Variants in CEP128 observed in about 807,000 individuals in gnomAD.
CEP128 encodes centrosomal protein 128, also known as centrosomal protein 128kDa.
In CEP128, 132 loss-of-function variants were observed where a neutral mutation model predicts 156.7. That is an observed-to-expected ratio of 0.84 (90% CI 0.73 to 0.97). The LOEUF is 0.97. Ranked by LOEUF, CEP128 falls within the 50% of genes least tolerant of loss-of-function variation. The probability of loss-of-function intolerance (pLI) is 0.00; values close to 1 mark genes in which losing one functional copy is unlikely to be tolerated. For synonymous variants in CEP128, 469 were observed against 448.9 expected (o/e 1.04, Z -0.57); for missense variants, 1,252 against 1,281.9 (o/e 0.98, Z 0.36).
chr14:80,709,447 TTA>T (rs1468778883), intron 19 of CEP128, among the ~76,000 whole-genome samples: 1 of 152,184 alleles, frequency 6.6e-6, no homozygotes, highest in Non-Finnish European at 1.5e-5. Flanking sequence ...CAGTTTTAAA[TTA>T]TGTTTTAATA....
chr14:80,710,607 G>A (rs1375197978), intron 19 of CEP128, among the ~76,000 whole-genome samples: 2 of 151,860 alleles, frequency 1.3e-5, no homozygotes, highest in African/African-American at 4.8e-5. Context: ...TGAATATAAA[G>A]CAAGTGACTT....
chr14:80,665,495 C>T (rs1349219961), intron 19 of CEP128, among the ~76,000 whole-genome samples: 1 of 152,170 alleles, frequency 6.6e-6, no homozygotes, highest in East Asian at 1.9e-4. Flanking sequence ...TACAATCAAA[C>T]TCATGCTACC....
chr14:80,730,353 T>A (rs1250431101), intron 19 of CEP128, among the ~76,000 whole-genome samples: 5 of 152,168 alleles, frequency 3.3e-5, no homozygotes, highest in Non-Finnish European at 7.4e-5. Flanking sequence ...ATCTCTCTTC[T>A]CAAGACTGAA....
chr14:80,721,134 C>T (rs1234302190), intron 19 of CEP128, among the ~76,000 whole-genome samples: 1 of 152,052 alleles, frequency 6.6e-6, no homozygotes, highest in East Asian at 1.9e-4. Flanking sequence ...GGTATTATGG[C>T]TATAAATTGT....
At chr14:80,912,910 C>T (rs1009394397) in intron 4 of CEP128, among the ~76,000 whole-genome samples, 27 of 151,960 alleles carry the variant, frequency 1.8e-4, no homozygotes, top group African/African-American at 5.6e-4. Context: ...TTAGTGTTTT[C>T]ATCACACTGT....
At chr14:80,822,545 G>A in intron 13 of CEP128, 1 of 675,172 alleles carries the variant, frequency 1.5e-6, no homozygotes, top group South Asian at 1.4e-5. Flanking sequence ...AAAGGCTGAA[G>A]GGGATGCTAA....
In CEP128 at chr14:80,650,550, G is replaced by A. The variant is rs539336781; in HGVS notation, c.2807-70127C>T. Among the ~76,000 whole-genome samples the A allele has an allele frequency of 8.1e-4, 123 of 152,196 alleles. 1 individual carries two copies. The highest frequency in any genetic ancestry group is 2.7e-3 in the African/African-American group (114 of 41,532). ...GCCCATTCAGTACGATATTGGCTGC[G>A]GGTGTGTCATAAATAGCTCTTATTA... On this transcript the variant is annotated intron_variant, in intron 19 of 24. Coordinates refer to ENST00000555265, the MANE Select transcript of CEP128 (RefSeq NM_152446.5).
intron 21 of CEP128, among the ~76,000 whole-genome samples, chr14:80,536,189 G>T (rs1166351857): frequency 6.6e-6 from 1 of 152,068 alleles, no homozygotes; most frequent in African/African-American, 2.4e-5. Context: ...TAAAAGGGGG[G>T]AATGCATTGC....
intron 2 of CEP128, among the ~76,000 whole-genome samples, chr14:80,932,062 A>C (rs1885499950): frequency 6.6e-6 from 1 of 152,190 alleles, no homozygotes; most frequent in African/African-American, 2.4e-5. Context: ...AGTTCTCACA[A>C]GATCTGATGG....
At chr14:80,740,897 C>G (rs1467499526) in intron 19 of CEP128, among the ~76,000 whole-genome samples, 1 of 152,128 alleles carries the variant, frequency 6.6e-6, no homozygotes, top group Non-Finnish European at 1.5e-5. Context: ...GTACTCACAG[C>G]ATGGGGGCAG....
chr14:80,638,150 A>T (rs893682980), intron 19 of CEP128, among the ~76,000 whole-genome samples: 9 of 152,324 alleles, frequency 5.9e-5, no homozygotes, highest in African/African-American at 2.2e-4. Flanking sequence ...TCCTTTCTGG[A>T]ATGCCCTTCT....
chr14:80,624,522 G>A (rs944191632), intron 19 of CEP128, among the ~76,000 whole-genome samples: 5 of 152,120 alleles, frequency 3.3e-5, no homozygotes, highest in African/African-American at 4.8e-5. Context: ...CATAATGGAG[G>A]TATTAATTTA....
chr14:80,620,440 A>T (rs1250540479), intron 19 of CEP128, among the ~76,000 whole-genome samples: 1 of 152,202 alleles, frequency 6.6e-6, no homozygotes, highest in Non-Finnish European at 1.5e-5. Context: ...TACATAAAAT[A>T]GTAAGACTGC....
chr14:80,687,880 T>C (rs1231828997), intron 19 of CEP128, among the ~76,000 whole-genome samples: 1 of 152,148 alleles, frequency 6.6e-6, no homozygotes, highest in Non-Finnish European at 1.5e-5. Flanking sequence ...TTTAAAAACA[T>C]AAAAACGTAT....
intron 19 of CEP128, among the ~76,000 whole-genome samples, chr14:80,642,766 T>A (rs1271556798): frequency 1.3e-5 from 2 of 152,028 alleles, no homozygotes; most frequent in South Asian, 2.1e-4. Context: ...CCCCCTTTTT[T>A]TTTTTTTGAG....
intron 19 of CEP128, among the ~76,000 whole-genome samples, chr14:80,732,105 T>C (rs1898300883): frequency 6.6e-6 from 1 of 152,138 alleles, no homozygotes; most frequent in Admixed American, 6.6e-5. Context: ...CATTACATGT[T>C]TACTTTCTGT....
intron 21 of CEP128, among the ~76,000 whole-genome samples, chr14:80,545,933 G>C (rs985791030): frequency 1.3e-5 from 2 of 152,164 alleles, no homozygotes; most frequent in African/African-American, 4.8e-5. Context: ...AACTGAATCT[G>C]GGGGTGAGGG....
intron 19 of CEP128, among the ~76,000 whole-genome samples, chr14:80,705,282 TTGTGTG>T (rs150297420): frequency 1.3e-5 from 2 of 150,728 alleles, no homozygotes; most frequent in African/African-American, 4.9e-5. Flanking sequence ...TTTATTCCAC[TTGTGTG>T]TGTGTGTGTG....
intron 15 of CEP128, among the ~76,000 whole-genome samples, chr14:80,779,816 C>T (rs1341187882): frequency 1.3e-5 from 2 of 152,162 alleles, no homozygotes; most frequent in Non-Finnish European, 2.9e-5. Flanking sequence ...GTTTATATTT[C>T]ATTTCAGAAT....
Sources: allele counts gnomAD v4.1 joint callset (sites outside exome capture counted in the v4.1 genomes callset), GRCh38; gene constraint gnomAD v4.1.1; transcripts MANE v1.5; gene names NCBI Gene and HGNC (gene_info 2026-07-23, HGNC 2026-07-21).